Variants in CTNNA3 observed in about 807,000 individuals in gnomAD.
CTNNA3 encodes catenin alpha 3, also known as catenin alpha-3.
A neutral mutation model predicts 95.7 loss-of-function variants in CTNNA3; 76 were observed. The observed-to-expected ratio is 0.79, with a 90% CI of 0.66 to 0.96. The LOEUF (loss-of-function observed/expected upper bound fraction) is 0.96. Ranked by LOEUF, CTNNA3 falls within the 40% of genes least tolerant of loss-of-function variation. The probability of loss-of-function intolerance (pLI) is 0.00; values close to 1 mark genes in which losing one functional copy is unlikely to be tolerated. For synonymous variants in CTNNA3, 431 were observed against 374.4 expected, an observed-to-expected ratio of 1.15 and a Z score of -1.74; for missense variants, 1,191 against 1,089.8, an observed-to-expected ratio of 1.09 and a Z score of -1.31.
At chr10:67,190,394 G>T (rs964218905) in intron 6 of CTNNA3, among the ~76,000 whole-genome samples, 4 of 151,932 alleles carry the variant, frequency 2.6e-5, no homozygotes, top group Non-Finnish European at 4.4e-5. Flanking sequence ...CTAGGAAAAG[G>T]TCTAAAGGAA....
intron 7 of CTNNA3, among the ~76,000 whole-genome samples, chr10:66,831,339 C>T (rs971501906): frequency 3.3e-5 from 5 of 152,198 alleles, no homozygotes; most frequent in African/African-American, 9.6e-5. Context: ...TGCCAGGCTT[C>T]ACTCGTTCTG....
chr10:66,031,800 A>T (rs1434208106), intron 15 of CTNNA3, among the ~76,000 whole-genome samples: 5 of 152,240 alleles, frequency 3.3e-5, no homozygotes, highest in Non-Finnish European at 7.3e-5. Flanking sequence ...GAAGGTAGAA[A>T]GTGGTCAGAA....
At chr10:67,017,099 T>C (rs528480236) in intron 7 of CTNNA3, among the ~76,000 whole-genome samples, 4 of 152,326 alleles carry the variant, frequency 2.6e-5, no homozygotes, top group Non-Finnish European at 5.9e-5. Flanking sequence ...TAGCTAATCA[T>C]TGTATAATAA....
intron 9 of CTNNA3, among the ~76,000 whole-genome samples, chr10:66,660,274 T>A (rs1171210403): frequency 2.0e-5 from 3 of 152,210 alleles, no homozygotes; most frequent in African/African-American, 7.2e-5. Context: ...TACCTCAAGA[T>A]GCCAGTGTGG....
intron 17 of CTNNA3, among the ~76,000 whole-genome samples, chr10:65,934,307 T>C (rs2133155005): frequency 6.6e-6 from 1 of 152,256 alleles, no homozygotes; most frequent in African/African-American, 2.4e-5. Context: ...CTTGGTAACT[T>C]CAGCTGCAGC....
intron 7 of CTNNA3, among the ~76,000 whole-genome samples, chr10:66,838,216 T>C (rs1216071864): frequency 1.3e-5 from 2 of 152,102 alleles, no homozygotes; most frequent in Non-Finnish European, 2.9e-5. Context: ...GTGAGACCAT[T>C]AATCAATTAC....
chr10:67,368,555 A>C (rs1843298650), intron 5 of CTNNA3, among the ~76,000 whole-genome samples: 1 of 152,242 alleles, frequency 6.6e-6, no homozygotes, highest in African/African-American at 2.4e-5. Context: ...CAAAAACTTA[A>C]ATACATGAAT....
intron 9 of CTNNA3, among the ~76,000 whole-genome samples, chr10:66,763,459 C>T (rs1839702571): frequency 9.4e-6 from 1 of 106,174 alleles, no homozygotes; most frequent in South Asian, 3.4e-4. Flanking sequence ...ATCTATAAGT[C>T]TGTAAGTCTC....
intron 11 of CTNNA3, among the ~76,000 whole-genome samples, chr10:66,400,561 T>G (rs569450752): frequency 6.6e-6 from 1 of 152,178 alleles, no homozygotes; most frequent in South Asian, 2.1e-4. Flanking sequence ...ATACACATAT[T>G]CATAAGTGGC....
intron 7 of CTNNA3, among the ~76,000 whole-genome samples, chr10:67,163,699 C>T (rs1030690936): frequency 6.6e-6 from 1 of 152,000 alleles, no homozygotes; most frequent in Non-Finnish European, 1.5e-5. Flanking sequence ...ACTATCTATA[C>T]ATGACATAAT....
At chr10:67,268,437 C>A (rs1436583133) in intron 5 of CTNNA3, among the ~76,000 whole-genome samples, 8 of 152,156 alleles carry the variant, frequency 5.3e-5, no homozygotes, top group African/African-American at 1.9e-4. Flanking sequence ...AGGAGGATTG[C>A]ATGAGCCCAG....
intron 1 of CTNNA3, among the ~76,000 whole-genome samples, chr10:67,724,129 C>G (rs1841195378): frequency 6.6e-6 from 1 of 152,144 alleles, no homozygotes; most frequent in Non-Finnish European, 1.5e-5. Context: ...TTCTTCTGCC[C>G]AGTCCCTCAC....
chr10:67,343,339 T>A (rs1466622000), intron 5 of CTNNA3, among the ~76,000 whole-genome samples: 1 of 152,190 alleles, frequency 6.6e-6, no homozygotes, highest in African/African-American at 2.4e-5. Context: ...ATAGATTACT[T>A]TAGGTTGTAT....
intron 9 of CTNNA3, among the ~76,000 whole-genome samples, chr10:66,738,091 T>G (rs1163446034): frequency 6.6e-6 from 1 of 152,226 alleles, no homozygotes; most frequent in Non-Finnish European, 1.5e-5. Flanking sequence ...AACATAGTGA[T>G]CCTTTTAAAC....
chr10:66,961,069 T>C (rs1461216883), intron 7 of CTNNA3, among the ~76,000 whole-genome samples: 2 of 152,230 alleles, frequency 1.3e-5, no homozygotes, highest in African/African-American at 4.8e-5. Flanking sequence ...AGTGATACAG[T>C]AATAGATATG....
chr10:66,964,524 A>G (rs1849297600), intron 7 of CTNNA3, among the ~76,000 whole-genome samples: 1 of 152,194 alleles, frequency 6.6e-6, no homozygotes, highest in Non-Finnish European at 1.5e-5. Flanking sequence ...TTCCTAAGGA[A>G]TGTGCTCAGC....
intron 12 of CTNNA3, among the ~76,000 whole-genome samples, chr10:66,301,686 T>C (rs145482114): frequency 1.3e-5 from 2 of 151,794 alleles, no homozygotes; most frequent in Admixed American, 1.3e-4. Flanking sequence ...TAGTAAGAAC[T>C]CTCAGCAAAG....
chr10:67,573,546 C>A (rs1236886252), intron 3 of CTNNA3, among the ~76,000 whole-genome samples: 1 of 151,894 alleles, frequency 6.6e-6, no homozygotes, highest in Non-Finnish European at 1.5e-5. Flanking sequence ...CTCAGCACTC[C>A]TAAAAAATAA....
At chr10:66,100,577 G>A (rs548924621) in intron 14 of CTNNA3, among the ~76,000 whole-genome samples, 3 of 152,222 alleles carry the variant, frequency 2.0e-5, no homozygotes, top group Admixed American at 6.5e-5. Context: ...AGAACTGTAC[G>A]CAGCAGAACA....
Sources: allele counts gnomAD v4.1 joint callset (sites outside exome capture counted in the v4.1 genomes callset), GRCh38; gene constraint gnomAD v4.1.1; transcripts MANE v1.5; gene names NCBI Gene and HGNC (gene_info 2026-07-23, HGNC 2026-07-21).